Variants in SYNPR observed in about 807,000 individuals in gnomAD.
SYNPR encodes synaptoporin.
In SYNPR, 23 loss-of-function variants were observed where a neutral mutation model predicts 32.9. The observed-to-expected ratio is 0.70, with a 90% CI of 0.50 to 0.99. The LOEUF is 0.99. Ranked by LOEUF, SYNPR falls within the 50% of genes least tolerant of loss-of-function variation. The probability of loss-of-function intolerance (pLI) is 0.00; values close to 1 mark genes in which losing one functional copy is unlikely to be tolerated. For missense variants in SYNPR, 318 were observed against 349.3 expected, an observed-to-expected ratio of 0.91 and a Z score of 0.71; for synonymous variants, 146 against 135.9, an observed-to-expected ratio of 1.07 and a Z score of -0.52.
chr3:63,443,694 T>C (rs970754957), intron 2 of SYNPR, among the ~76,000 whole-genome samples: 7 of 152,242 alleles, frequency 4.6e-5, no homozygotes, highest in Admixed American at 1.3e-4. Flanking sequence ...TGTTTAAGTA[T>C]GTGCTGGGTT....
chr3:63,467,607 C>T (rs1319733915), intron 2 of SYNPR, among the ~76,000 whole-genome samples: 1 of 152,118 alleles, frequency 6.6e-6, no homozygotes, highest in African/African-American at 2.4e-5. Flanking sequence ...GGCACATTGC[C>T]AGATACAAAC....
rs1302250515 is a variant in SYNPR at position 63,591,825 on chromosome 3, G to T, written c.409-17300G>T. ...CTGTGGTGGGGTGGGGGGAGGGGGG[G>T]AGGGATAGCATTGGGAGATATACCT... On this transcript the variant is annotated intron_variant, in intron 4 of 5. Coordinates refer to ENST00000478300, the MANE Select transcript of SYNPR (RefSeq NM_001130003.2). Among the ~76,000 whole-genome samples, 6 of 111,152 alleles carry T rather than the reference G, an allele frequency of 5.4e-5. No homozygotes were observed. In the South Asian group the frequency reaches 2.4e-3, roughly 44 times the overall value. The allele number at this position is 111,152 out of a possible 152,430, so 72.9% of individuals were successfully genotyped here.
intron 2 of SYNPR, among the ~76,000 whole-genome samples, chr3:63,254,076 C>T (rs1487398927): frequency 6.6e-6 from 1 of 152,020 alleles, no homozygotes; most frequent in Admixed American, 6.6e-5. Context: ...GACAAAAAAA[C>T]CAAACACCGC....
intron 2 of SYNPR, among the ~76,000 whole-genome samples, chr3:63,322,488 C>G (rs1452790141): frequency 6.6e-6 from 1 of 152,028 alleles, no homozygotes; most frequent in African/African-American, 2.4e-5. Flanking sequence ...CCAGGTTGGC[C>G]TGCTACCAAA....
chr3:63,408,274 AAAG>A (rs1560221114), intron 2 of SYNPR, among the ~76,000 whole-genome samples: 27 of 109,062 alleles, frequency 2.5e-4, no homozygotes, highest in Non-Finnish European at 3.5e-4. Flanking sequence ...AGAAAGAAAG[AAAG>A]AGGAAGGAAG....
At chr3:63,615,055 A>G (rs1700257724) in intron 5 of SYNPR, among the ~76,000 whole-genome samples, 169 bp from the exon 6 acceptor site, 2 of 152,176 alleles carry the variant, frequency 1.3e-5, no homozygotes, top group African/African-American at 4.8e-5. Context: ...GCGTCTAATA[A>G]AGGTCAAATA....
chr3:63,257,046 G>A (rs893824317), intron 2 of SYNPR, among the ~76,000 whole-genome samples: 1 of 152,040 alleles, frequency 6.6e-6, no homozygotes, highest in East Asian at 1.9e-4. Context: ...ATGAACAAAG[G>A]CCTCCAAGAA....
At chr3:63,554,737 T>TA (rs1702565566) in intron 3 of SYNPR, among the ~76,000 whole-genome samples, 2 of 152,052 alleles carry the variant, frequency 1.3e-5, no homozygotes, top group Admixed American at 1.3e-4. Context: ...GTTTTTTTTT[T>TA]AATTCTGTGA....
intron 2 of SYNPR, among the ~76,000 whole-genome samples, chr3:63,385,043 A>G (rs1007342845): frequency 1.3e-5 from 2 of 152,172 alleles, no homozygotes; most frequent in African/African-American, 4.8e-5. Context: ...CAGTTTTATG[A>G]CCTAATACAA....
chr3:63,345,802 A>T (rs13061130), intron 2 of SYNPR, among the ~76,000 whole-genome samples: 31,504 of 152,014 alleles, frequency 0.21, 3,748 homozygotes, highest in South Asian at 0.38. Context: ...CTTTCGTCTA[A>T]CATTGAATTT....
chr3:63,247,386 A>G (rs935691077), intron 1 of SYNPR, among the ~76,000 whole-genome samples: 1 of 152,074 alleles, frequency 6.6e-6, no homozygotes, highest in Non-Finnish European at 1.5e-5. Flanking sequence ...GTAGGATGAC[A>G]GCTACTCCCC....
At chr3:63,435,248 C>T (rs920618953) in intron 2 of SYNPR, among the ~76,000 whole-genome samples, 5 of 152,126 alleles carry the variant, frequency 3.3e-5, no homozygotes, top group South Asian at 2.1e-4. Context: ...CTTACTGAAC[C>T]GCACTAAACC....
chr3:63,352,344 G>A lies in SYNPR; in HGVS notation c.84+73602G>A, dbSNP rs183646888. ...AATCTCCTGAGGAGCTTTTCAAACC[G>A]GCAGATTCGGCTGGAAAATCTGATT... is the stretch of plus-strand genomic sequence containing the variant. On this transcript the variant is annotated intron_variant, in intron 2 of 5. Transcript: ENST00000478300. 4.7e-4 allele frequency among the ~76,000 whole-genome samples: 71 copies of A among 152,164 alleles called. 2 individuals are homozygous for A. Among genetic ancestry groups the A allele is most frequent in the African/African-American group, 1.5e-3 (62 of 41,522 alleles).
chr3:63,403,829 G>A (rs1385136981), intron 2 of SYNPR, among the ~76,000 whole-genome samples: 5 of 152,140 alleles, frequency 3.3e-5, no homozygotes, highest in Non-Finnish European at 2.9e-5. Flanking sequence ...AGAGAGAAAG[G>A]AGCTGGATCA....
chr3:63,294,767 CTTAT>C (rs1169043773), intron 2 of SYNPR, among the ~76,000 whole-genome samples: 1 of 152,054 alleles, frequency 6.6e-6, no homozygotes, highest in African/African-American at 2.4e-5. Flanking sequence ...ATTTGCGTGT[CTTAT>C]TTATATTATT....
At chr3:63,247,143 GA>G (rs1275515252) in intron 1 of SYNPR, among the ~76,000 whole-genome samples, 2 of 151,840 alleles carry the variant, frequency 1.3e-5, no homozygotes, top group Non-Finnish European at 2.9e-5. Context: ...ATTTTTAGGG[GA>G]AAAATGCCTC....
rs78375413 is a variant in SYNPR at position 63,303,712 on chromosome 3, G to A, written c.84+24970G>A. 6.6e-5 allele frequency among the ~76,000 whole-genome samples: 10 copies of A among 152,024 alleles called. No homozygotes were observed. The East Asian group carries it at 1.2e-3, about 18-fold the overall frequency. ...TTTATTCTGACTATGAAATTTAAAC[G>A]TGTGTAAAATACTAGAAGAAGGCTG... On this transcript the variant is annotated intron_variant, in intron 2 of 5. Transcript: ENST00000478300.
Position 63,403,441 on chromosome 3 carries a change from T to TACACACAC in SYNPR, c.85-77369_85-77362dup, listed in dbSNP as rs10559096. ...ACATTCTCATACGTATGTATACACA[T>TACACACAC]ACACACACACACACACACACACACA... On this transcript the variant is annotated intron_variant, in intron 2 of 5. Transcript: ENST00000478300. 9.1e-3 allele frequency among the ~76,000 whole-genome samples: 1,333 copies of TACACACAC among 145,998 alleles called. 22 individuals are homozygous for TACACACAC. Among genetic ancestry groups the TACACACAC allele is most frequent in the African/African-American group, 0.03 (1,210 of 39,844 alleles).
intron 2 of SYNPR, among the ~76,000 whole-genome samples, chr3:63,260,332 C>T (rs146194777): frequency 0.013 from 1,999 of 152,066 alleles, 38 homozygotes; most frequent in African/African-American, 0.046. Context: ...ACTACAAGGC[C>T]ACAGTAACCA....
Sources: gnomAD v4.1 joint callset for allele counts (sites outside exome capture counted in the v4.1 genomes callset) on GRCh38, gnomAD v4.1.1 for gene constraint, MANE v1.5 for transcripts, NCBI Gene and HGNC (gene_info 2026-07-23, HGNC 2026-07-21) for gene names.